Variants in KIF11 observed in about 807,000 individuals in gnomAD.
The protein encoded by KIF11 is kinesin-like protein KIF11.
Under a neutral mutation model 121.0 loss-of-function variants are expected in KIF11, and 9 were observed. The ratio of observed to expected loss-of-function variants is 0.07; its 90% confidence interval spans 0.04 to 0.13. KIF11 has a LOEUF of 0.13. Among genes scored for constraint, KIF11 ranks in the 10% least tolerant of loss-of-function variants. The pLI is 1.00. For synonymous variants in KIF11, 408 were observed against 421.0 expected, an observed-to-expected ratio of 0.97 and a Z score of 0.38; for missense variants, 846 against 1,217.5, an observed-to-expected ratio of 0.69 and a Z score of 4.54.
rs746977730 is a variant in KIF11, at chr10:92,613,567, G to A, written c.980G>A (p.Arg327His). ...TRILQDSLGGRTRTSIIATIS... is the reference protein window; with the variant it reads ...TRILQDSLGGHTRTSIIATIS... The stretch of plus-strand genomic sequence containing the variant: ...ATCCTCCAGGATTCTCTTGGAGGGC[G>A]TACAAGAACATCTATAATTGCAACA... The change falls in exon 8 of 22, where the codon CGT becomes CAT. Residue 327 changes from arginine (R) to histidine (H), a missense_variant. Physicochemically the swap from Arg to His is conservative, Grantham distance 29. Around this residue, in one of 5 missense-constraint regions of KIF11, gnomAD observed 116 missense variants for 285.3 expected, o/e 0.41. Coordinates refer to ENST00000260731, the MANE Select transcript of KIF11 (RefSeq NM_004523.4). The surrounding 1 kb of genome is among the most constrained non-coding windows in gnomAD (Gnocchi z 4.2). 1.6e-5 allele frequency: 25 copies of A among 1,611,634 alleles called. No individual in the cohort carries two copies. In the African/African-American group the frequency reaches 2.4e-4, roughly 16 times the overall value.
chr10:92,629,212 G>T (rs748700609), intron 11 of KIF11, among the ~76,000 whole-genome samples: 11 of 151,570 alleles, frequency 7.3e-5, no homozygotes, highest in Non-Finnish European at 1.2e-4. Flanking sequence ...TTGAACTCCT[G>T]ACCTCATGAT....
rs1202873751 is a variant in KIF11, at chr10:92,653,909, C to T, written c.*113C>T. ...TAAAAGAATATATATATCAGCCGGG[C>T]GCGGTGGCTCATGCCTGTAATCCCA... is the stretch of plus-strand genomic sequence containing the variant. On this transcript the variant is annotated 3_prime_UTR_variant, in exon 22 of 22. Transcript: ENST00000260731. The T allele has an allele frequency of 3.7e-5, 34 of 915,916 alleles. No homozygotes were observed. The highest frequency in any genetic ancestry group is 4.8e-5 in the Non-Finnish European group (30 of 627,488). The allele number at this position is 915,916 out of a possible 1,614,324, so 56.7% of individuals were successfully genotyped here.
chr10:92,635,096 T>C (rs1844782704), intron 14 of KIF11, among the ~76,000 whole-genome samples: 1 of 152,206 alleles, frequency 6.6e-6, no homozygotes, highest in Non-Finnish European at 1.5e-5. Context: ...CTTAGCCATA[T>C]AATTTATTTG....
intron 18 of KIF11, among the ~76,000 whole-genome samples, 156 bp from the exon 19 acceptor site, chr10:92,648,056 C>T (rs1345994008): frequency 6.7e-6 from 1 of 148,770 alleles, no homozygotes; most frequent in Non-Finnish European, 1.5e-5. Flanking sequence ...CTGTAGTGAG[C>T]ACTACTCATG....
intron 1 of KIF11, among the ~76,000 whole-genome samples, chr10:92,602,917 G>T (rs1257774606): frequency 6.6e-6 from 1 of 151,130 alleles, no homozygotes; most frequent in African/African-American, 2.4e-5. Flanking sequence ...GTGCAATGGC[G>T]CGATCTCGGC....
At chr10:92,650,290 T>G in intron 20 of KIF11, 111 bp from the exon 21 acceptor site, 1 of 687,034 alleles carries the variant, frequency 1.5e-6, no homozygotes, top group Non-Finnish European at 2.6e-6. Context: ...TTTGTTGAGG[T>G]TTAACTTTTA....
rs1037026288 is a variant in KIF11 at position 92,593,276 on chromosome 10, G to A, written c.-100G>A. 8.0e-7 allele frequency: 1 copy of A among 1,249,572 alleles called. No individual in the cohort carries two copies. Among genetic ancestry groups the A allele is most frequent in the African/African-American group, 1.5e-5 (1 of 66,016 alleles). 77.4% of individuals were successfully genotyped at this position (1,249,572 alleles called of 1,614,324 possible). A position where few individuals can be genotyped will look rare whatever the true frequency, so the allele number is the denominator to read the frequency against. ...CTCCAGGCCACGCCAGCGCCCGAGA[G>A]GGACCAGGGAGACTCCGGCCCCTGT... On this transcript the variant is annotated 5_prime_UTR_variant, in exon 1 of 22. Transcript: ENST00000260731.
intron 12 of KIF11, 112 bp downstream of exon 12, chr10:92,630,476 C>A: frequency 1.8e-6 from 1 of 542,262 alleles, no homozygotes. Context: ...GTATTTCTGT[C>A]CATTTAAAAA....
chr10:92,650,015 A>G, intron 20 of KIF11, 29 bp downstream of exon 20: 1 of 1,553,796 alleles, frequency 6.4e-7, no homozygotes, highest in South Asian at 1.1e-5. Flanking sequence ...ATTTTATAAT[A>G]GAACTCTTTT....
At chr10:92,634,925 CTTAGGG>C (rs1490778879) in intron 14 of KIF11, among the ~76,000 whole-genome samples, 1 of 152,208 alleles carries the variant, frequency 6.6e-6, no homozygotes, top group Non-Finnish European at 1.5e-5. Flanking sequence ...CATATCACTT[CTTAGGG>C]TTAGATCTGT....
At chr10:92,600,037 G>A (rs1055167488) in intron 1 of KIF11, among the ~76,000 whole-genome samples, 6 of 146,528 alleles carry the variant, frequency 4.1e-5, no homozygotes, top group Admixed American at 1.4e-4. Context: ...ATGAAATCTC[G>A]GTCTGTTGCC....
intron 21 of KIF11, among the ~76,000 whole-genome samples, chr10:92,653,049 A>G (rs1317689843): frequency 6.6e-6 from 1 of 152,242 alleles, no homozygotes; most frequent in Non-Finnish European, 1.5e-5. Context: ...GGTTTTACAA[A>G]TAAAATAAAA....
At chr10:92,599,388 C>T (rs1005318515) in intron 1 of KIF11, among the ~76,000 whole-genome samples, 2 of 150,988 alleles carry the variant, frequency 1.3e-5, no homozygotes, top group Non-Finnish European at 1.5e-5. Context: ...AGCCATGCAT[C>T]GTGGCGCGTG....
intron 10 of KIF11, among the ~76,000 whole-genome samples, chr10:92,625,370 A>T (rs1844663715): frequency 6.7e-6 from 1 of 148,208 alleles, no homozygotes; most frequent in Admixed American, 6.7e-5. Flanking sequence ...TTTTTTTGAG[A>T]CACAGTTTCA....
intron 14 of KIF11, among the ~76,000 whole-genome samples, chr10:92,636,323 A>G (rs1844794630): frequency 6.6e-6 from 1 of 152,186 alleles, no homozygotes; most frequent in African/African-American, 2.4e-5. Flanking sequence ...CTTCTATTTC[A>G]TTAAACTATT....
intron 12 of KIF11, among the ~76,000 whole-genome samples, chr10:92,631,809 G>A (rs994406290): frequency 6.6e-6 from 1 of 151,938 alleles, no homozygotes; most frequent in African/African-American, 2.4e-5. Context: ...CCAAGTAGCT[G>A]GGATTACAAG....
At chr10:92,619,910 A>G (rs1381113955) in intron 9 of KIF11, among the ~76,000 whole-genome samples, 5 of 151,520 alleles carry the variant, frequency 3.3e-5, no homozygotes, top group Non-Finnish European at 5.9e-5. Context: ...GTTTTACCAT[A>G]GTATCTTTTG....
intron 9 of KIF11, 87 bp from the exon 10 acceptor site, chr10:92,621,298 T>A (rs1589597573): frequency 1.5e-6 from 1 of 683,670 alleles, no homozygotes; most frequent in East Asian, 2.7e-5. Flanking sequence ...ATAAAAAGGC[T>A]AACTTTACAT....
chr10:92,628,061 G>C (rs1239170468), intron 10 of KIF11, among the ~76,000 whole-genome samples: 1 of 152,162 alleles, frequency 6.6e-6, no homozygotes, highest in Non-Finnish European at 1.5e-5. Flanking sequence ...TGGGGGACTG[G>C]TGGTGGTGGG....
Sources: gnomAD v4.1 joint callset for allele counts (sites outside exome capture counted in the v4.1 genomes callset) on GRCh38, gnomAD v4.1.1 for gene constraint, gnomAD v4.1.1 regional missense constraint, Gnocchi (gnomAD v3.1) non-coding constraint, MANE v1.5 for transcripts, NCBI Gene and HGNC (gene_info 2026-07-23, HGNC 2026-07-21) for gene names.